DNAH12: variants seen among roughly 807,000 people sequenced by gnomAD.
DNAH12 encodes the protein axonemal beta dynein heavy chain 12.
Under a neutral mutation model 371.5 loss-of-function variants are expected in DNAH12, and 285 were observed. The ratio of observed to expected loss-of-function variants is 0.77; its 90% confidence interval spans 0.70 to 0.85. The LOEUF (loss-of-function observed/expected upper bound fraction) is 0.85. Among genes scored for constraint, DNAH12 ranks in the 40% least tolerant of loss-of-function variants. The pLI, the probability that DNAH12 is intolerant of heterozygous loss-of-function variation, is 0.00. For missense variants in DNAH12, 3,611 were observed against 3,689.4 expected (o/e 0.98, Z 0.55); for synonymous variants, 1,200 against 1,213.0 (o/e 0.99, Z 0.22).
At chr3:57,501,043 A>G (rs985304312) in intron 11 of DNAH12, among the ~76,000 whole-genome samples, 8 of 152,224 alleles carry the variant, frequency 5.3e-5, no homozygotes, top group Admixed American at 4.6e-4. Flanking sequence ...GGCGTCTCAA[A>G]GTGCTGGGAT....
intron 70 of DNAH12, among the ~76,000 whole-genome samples, chr3:57,298,949 A>G (rs2061290178): frequency 6.6e-6 from 1 of 152,228 alleles, no homozygotes; most frequent in Non-Finnish European, 1.5e-5. Context: ...ATTCATATTT[A>G]TGGAATGAAC....
intron 37 of DNAH12, among the ~76,000 whole-genome samples, chr3:57,418,663 T>G (rs912080485): frequency 1.3e-5 from 2 of 152,130 alleles, no homozygotes; most frequent in African/African-American, 4.8e-5. Context: ...TAATTTTCCC[T>G]CATAAGCTAT....
intron 2 of DNAH12, among the ~76,000 whole-genome samples, chr3:57,528,726 C>T (rs1340189230): frequency 8.3e-6 from 1 of 120,544 alleles, no homozygotes; most frequent in Non-Finnish European, 1.8e-5. Context: ...AACTCTGTCT[C>T]AAAAAAAAAA....
At position 57,374,124 on chromosome 3, in the gene DNAH12, G is replaced by C. The variant is rs974515896; in HGVS notation, c.8759+1247C>G. Among the ~76,000 whole-genome samples, 55 of 152,256 alleles carry C rather than the reference G, an allele frequency of 3.6e-4. 1 individual carries two copies. Among genetic ancestry groups the C allele is most frequent in the Non-Finnish European group, 6.6e-4 (45 of 68,006 alleles). The stretch of plus-strand genomic sequence containing the variant: ...ATTCACTCCAGCATAGTAATTAAGG[G>C]CAAGGATTTGAAAGTCAGATTGCCT... On this transcript the variant is annotated intron_variant, in intron 55 of 73. Coordinates refer to ENST00000495027, the MANE Select transcript of DNAH12 (RefSeq NM_001366028.2).
chr3:57,422,367 A>C (rs566935733), intron 35 of DNAH12, among the ~76,000 whole-genome samples: 118 of 152,210 alleles, frequency 7.8e-4, no homozygotes, highest in African/African-American at 2.7e-3. Context: ...AGCTGGGACT[A>C]CAGGCGCCCA....
intron 4 of DNAH12, 33 bp from the exon 5 acceptor site, chr3:57,511,012 A>C: frequency 6.6e-7 from 1 of 1,517,018 alleles, no homozygotes; most frequent in Non-Finnish European, 8.9e-7. Context: ...AATGTTCTGC[A>C]TGGTTGTATC....
At chr3:57,502,521 C>T (rs921905044) in intron 9 of DNAH12, 42 bp from the exon 10 acceptor site, 2 of 1,552,998 alleles carry the variant, frequency 1.3e-6, no homozygotes, top group Non-Finnish European at 1.8e-6. Context: ...CAATAAATAT[C>T]TAACTGTATA....
intron 13 of DNAH12, among the ~76,000 whole-genome samples, chr3:57,480,800 C>G (rs2066713293): frequency 6.6e-6 from 1 of 152,188 alleles, no homozygotes; most frequent in Non-Finnish European, 1.5e-5. Context: ...AGCATATAAA[C>G]AGAACCAAAG....
intron 35 of DNAH12, among the ~76,000 whole-genome samples, 196 bp from the exon 36 acceptor site, chr3:57,421,902 C>CTTGTTTTTTTTTTTTTTT (rs2064595528): frequency 1.0e-5 from 1 of 98,548 alleles, no homozygotes; most frequent in African/African-American, 4.9e-5. Context: ...GTTTGCATGT[C>CTTGTTTTTTTTTTTTTTT]TTTTTTTTTT....
intron 70 of DNAH12, among the ~76,000 whole-genome samples, chr3:57,299,886 G>T (rs1244427435): frequency 6.6e-6 from 1 of 152,160 alleles, no homozygotes; most frequent in African/African-American, 2.4e-5. Context: ...GATCGATAGG[G>T]TGAACAGTGA....
intron 66 of DNAH12, among the ~76,000 whole-genome samples, chr3:57,313,899 G>A (rs546285602): frequency 5.9e-5 from 9 of 152,302 alleles, no homozygotes; most frequent in Admixed American, 5.2e-4. Flanking sequence ...AGCCATACAA[G>A]CTCTGGGGTC....
intron 65 of DNAH12, among the ~76,000 whole-genome samples, chr3:57,317,227 G>A (rs983740400): frequency 1.3e-5 from 2 of 152,100 alleles, no homozygotes; most frequent in Middle Eastern, 3.4e-3. Context: ...TCATTTTATT[G>A]TGGTAAAACA....
At chr3:57,397,855 T>C (rs1245732685) in intron 43 of DNAH12, among the ~76,000 whole-genome samples, 5 of 152,118 alleles carry the variant, frequency 3.3e-5, no homozygotes, top group Non-Finnish European at 7.3e-5. Flanking sequence ...GGGGTGGCTG[T>C]ATTTCAAATG....
At chr3:57,300,392 G>T (rs563832196) in intron 70 of DNAH12, among the ~76,000 whole-genome samples, 1 of 152,220 alleles carries the variant, frequency 6.6e-6, no homozygotes, top group African/African-American at 2.4e-5. Flanking sequence ...AAGGGTAAGA[G>T]AACAATGGAG....
intron 37 of DNAH12, among the ~76,000 whole-genome samples, chr3:57,415,786 ATTCTT>A (rs2064354924): frequency 7.7e-6 from 1 of 129,842 alleles, no homozygotes; most frequent in African/African-American, 3.1e-5. Context: ...TTTATTTTTT[ATTCTT>A]TTTTTTTTTT....
At chr3:57,352,686 T>C (rs1337665547) in intron 59 of DNAH12, among the ~76,000 whole-genome samples, 7 of 152,006 alleles carry the variant, frequency 4.6e-5, no homozygotes, top group African/African-American at 1.7e-4. Flanking sequence ...AAATCTCTAT[T>C]AGTGTAAGGC....
At chr3:57,466,981 C>T (rs989380767) in intron 17 of DNAH12, among the ~76,000 whole-genome samples, 1 of 152,056 alleles carries the variant, frequency 6.6e-6, no homozygotes, top group African/African-American at 2.4e-5. Context: ...TCTTGAACTT[C>T]TGGCCTCGAA....
intron 9 of DNAH12, 109 bp downstream of exon 9, chr3:57,503,907 G>A (rs940616486): frequency 8.0e-6 from 7 of 876,558 alleles, no homozygotes; most frequent in Non-Finnish European, 1.1e-5. Flanking sequence ...GAAATAATTG[G>A]GGGAGGAAAA....
chr3:57,315,892 G>A (rs1317460553), intron 65 of DNAH12, among the ~76,000 whole-genome samples: 1 of 152,068 alleles, frequency 6.6e-6, no homozygotes, highest in African/African-American at 2.4e-5. Flanking sequence ...GAGAAATCTC[G>A]AGGAAAGAAA....
Sources: gnomAD v4.1 joint callset for allele counts (sites outside exome capture counted in the v4.1 genomes callset) on GRCh38, gnomAD v4.1.1 for gene constraint, MANE v1.5 for transcripts, NCBI Gene and HGNC (gene_info 2026-07-23, HGNC 2026-07-21) for gene names.